The following COG4 variants were observed in gnomAD, a reference collection of about 807,000 sequenced individuals.
COG4 encodes component of oligomeric golgi complex 4.
A neutral mutation model predicts 95.1 loss-of-function variants in COG4; 65 were observed. The ratio of observed to expected loss-of-function variants is 0.68; its 90% confidence interval spans 0.56 to 0.84. COG4 has a LOEUF of 0.84. Among genes scored for constraint, COG4 ranks in the 40% least tolerant of loss-of-function variants. The pLI is 0.00. For synonymous variants in COG4, 421 were observed against 374.8 expected, an observed-to-expected ratio of 1.12 and a Z score of -1.42; for missense variants, 1,045 against 989.1, an observed-to-expected ratio of 1.06 and a Z score of -0.76.
chr16:70,509,002 G>A, intron 7 of COG4: 1 of 601,040 alleles, frequency 1.7e-6, no homozygotes, highest in Non-Finnish European at 3.0e-6. Flanking sequence ...TTTTCAGGAA[G>A]CTCTTTTTAT....
In COG4 at chr16:70,512,366, G is replaced by A. The variant is rs1342293799; in HGVS notation, c.611C>T (p.Ala204Val). 2.5e-6 allele frequency: 4 copies of A among 1,614,152 alleles called. No individual in the cohort carries two copies. In the East Asian group the frequency reaches 8.9e-5, roughly 36 times the overall value. The change falls in exon 5 of 19, where the codon GCA (alanine) becomes GTA (valine). Residue 204 changes from alanine to valine, a missense_variant. Physicochemically the swap from Ala to Val is moderately conservative, Grantham distance 64. Coordinates refer to ENST00000323786, the MANE Select transcript of COG4 (RefSeq NM_015386.3). Reference sequence around the variant, plus strand: ...CTTGGTGGCAATGGCAAACTTCTCTGCCACAATGGCTTTGAGACGTTGCTC... The same window carrying A: ...CTTGGTGGCAATGGCAAACTTCTCTACCACAATGGCTTTGAGACGTTGCTC... ...EAEQRLKAIVAEKFAIATKEG... is the reference protein window; with the variant it reads ...EAEQRLKAIVVEKFAIATKEG...
chr16:70,523,496 C>A lies in COG4; in HGVS notation c.48G>T (p.Gly16=). 1 of 1,614,108 alleles carries A rather than the reference C, an allele frequency of 6.2e-7. No homozygotes were observed. The highest frequency in any genetic ancestry group is 8.5e-7 in the Non-Finnish European group (1 of 1,180,042). Residue 16 remains glycine (G), a synonymous_variant, in exon 1 of 19, where the codon GGG becomes GGT. Coordinates refer to ENST00000323786, the MANE Select transcript of COG4 (RefSeq NM_015386.3). ...ADLDSPPKLS[G]VQQPSEGVGG... ...CCACCCCCTCAGACGGCTGCTGCACCCCTGACAGCTTCGGAGGCGAATCAA... is the reference window on the plus strand; with the variant it reads ...CCACCCCCTCAGACGGCTGCTGCACACCTGACAGCTTCGGAGGCGAATCAA...
At chr16:70,519,509 G>T in intron 2 of COG4, 140 bp downstream of exon 2, 1 of 703,962 alleles carries the variant, frequency 1.4e-6, no homozygotes, top group Non-Finnish European at 2.6e-6. Flanking sequence ...ATACCCTTAG[G>T]TGTTCACTTT....
chr16:70,517,007 A>G (rs1247315737), intron 3 of COG4, among the ~76,000 whole-genome samples: 1 of 151,632 alleles, frequency 6.6e-6, no homozygotes, highest in Non-Finnish European at 1.5e-5. Flanking sequence ...TCAAGCAATT[A>G]GCCTGCCTCA....
At chr16:70,492,663 A>G (rs891024546) in intron 12 of COG4, among the ~76,000 whole-genome samples, 1 of 145,986 alleles carries the variant, frequency 6.8e-6, no homozygotes, top group African/African-American at 2.5e-5. Context: ...CTCCGTCTCA[A>G]AAAAAAAAAA....
intron 12 of COG4, among the ~76,000 whole-genome samples, chr16:70,494,186 A>T (rs2151747361): frequency 6.6e-6 from 1 of 152,322 alleles, no homozygotes; most frequent in Non-Finnish European, 1.5e-5. Flanking sequence ...TCCTGTCCTG[A>T]CAGCTGAAGG....
Position 70,509,929 on chromosome 16 carries a change from A to G in COG4, c.831T>C (p.Thr277=), listed in dbSNP as rs766522086. The part of the protein sequence containing the change: ...RAAVIFADTL[T]LLFEGIARIV... ...AAAGAGGCTCACCTTCAAACAGAAGAGTAAGTGTATCTGCAAAGATGACTG... is the reference window on the plus strand; with the variant it reads ...AAAGAGGCTCACCTTCAAACAGAAGGGTAAGTGTATCTGCAAAGATGACTG... Residue 277 remains threonine, a synonymous_variant, in exon 6 of 19, where the codon ACT becomes ACC. Transcript: ENST00000323786. 1 of 1,613,522 alleles carries G rather than the reference A, an allele frequency of 6.2e-7. No homozygotes were observed. The highest frequency in any genetic ancestry group is 8.5e-7 in the Non-Finnish European group (1 of 1,179,506).
intron 1 of COG4, among the ~76,000 whole-genome samples, chr16:70,522,863 G>C (rs908595337): frequency 6.6e-6 from 1 of 152,170 alleles, no homozygotes; most frequent in African/African-American, 2.4e-5. Flanking sequence ...AGTCTTAAAA[G>C]CTAAACCTCT....
At chr16:70,500,485 C>T (rs564700496) in intron 9 of COG4, among the ~76,000 whole-genome samples, 22 of 150,582 alleles carry the variant, frequency 1.5e-4, no homozygotes, top group African/African-American at 5.4e-4. Context: ...CTCAACCTCC[C>T]GAGTAGCTGG....
Position 70,482,088 on chromosome 16 carries a change from T to A in COG4, c.2004+4A>T. The A allele has an allele frequency of 6.2e-7, 1 of 1,612,476 alleles. No homozygotes were observed. The highest frequency in any genetic ancestry group is 8.5e-7 in the Non-Finnish European group (1 of 1,178,538). ...CTAAGTGGATCCCTAGGGCCCCTGC[T>A]CACCTTGAACTCTGCCATTTGCTGC... is the stretch of plus-strand genomic sequence containing the variant. On this transcript the variant is annotated splice_donor_region_variant and intron_variant, in intron 16 of 18. Coordinates refer to ENST00000323786, the MANE Select transcript of COG4 (RefSeq NM_015386.3).
At chr16:70,505,577 C>T (rs570489255) in intron 8 of COG4, among the ~76,000 whole-genome samples, 75 of 151,046 alleles carry the variant, frequency 5.0e-4, no homozygotes, top group Non-Finnish European at 8.0e-4. Context: ...ACCTGTAATC[C>T]CAGCACTTTG....
chr16:70,506,631 A>AAAG (rs1338875952), intron 8 of COG4, among the ~76,000 whole-genome samples: 1 of 129,716 alleles, frequency 7.7e-6, no homozygotes, highest in Non-Finnish European at 1.6e-5. Flanking sequence ...AAAAAAAAAC[A>AAAG]TTTAGCTGGG....
intron 9 of COG4, among the ~76,000 whole-genome samples, chr16:70,500,365 C>CT (rs68141616): frequency 0.026 from 2,452 of 96,062 alleles, 195 homozygotes; most frequent in African/African-American, 0.093. Context: ...ATTATATACT[C>CT]TTTTTTTTTT....
chr16:70,512,473 G>A (rs200258470), intron 4 of COG4, 41 bp from the exon 5 acceptor site: 6 of 1,553,198 alleles, frequency 3.9e-6, no homozygotes, highest in Non-Finnish European at 5.3e-6. Flanking sequence ...GTAAAGAATA[G>A]TACTGTGGCA....
chr16:70,501,374 G>C (rs1163017503), intron 8 of COG4: 7 of 396,778 alleles, frequency 1.8e-5, no homozygotes, highest in Admixed American at 1.5e-4. Context: ...TTTTTTTTGA[G>C]ATGGAGTCTT....
chr16:70,515,266 T>C (rs1261989798), intron 3 of COG4, among the ~76,000 whole-genome samples: 2 of 151,996 alleles, frequency 1.3e-5, no homozygotes, highest in African/African-American at 2.4e-5. Context: ...AAGCAATTCA[T>C]TCTCCTCGGC....
intron 8 of COG4, among the ~76,000 whole-genome samples, chr16:70,503,133 C>A (rs1199906550): frequency 6.6e-6 from 1 of 152,190 alleles, no homozygotes; most frequent in Non-Finnish European, 1.5e-5. Context: ...TCACTGCAGG[C>A]TCAGCTTCCC....
In COG4 at chr16:70,509,942, G is replaced by A; in HGVS notation, c.818C>T (p.Ala273Val). Residue 273 changes from alanine to valine, a missense_variant, in exon 6 of 19, where the codon GCA (alanine) becomes GTA (valine). Physicochemically the swap from Ala to Val is moderately conservative, Grantham distance 64. Coordinates refer to ENST00000323786, the MANE Select transcript of COG4 (RefSeq NM_015386.3). ...MSDRRAAVIFADTLTLLFEGI... is the reference protein window; with the variant it reads ...MSDRRAAVIFVDTLTLLFEGI... Reference sequence around the variant, plus strand: ...TTCAAACAGAAGAGTAAGTGTATCTGCAAAGATGACTGCAGCTCTCCGATC... The same window carrying A: ...TTCAAACAGAAGAGTAAGTGTATCTACAAAGATGACTGCAGCTCTCCGATC... The A allele has an allele frequency of 1.9e-6, 3 of 1,613,802 alleles. No individual in the cohort carries two copies. Among genetic ancestry groups the A allele is most frequent in the Non-Finnish European group, 2.5e-6 (3 of 1,179,774 alleles).
intron 13 of COG4, among the ~76,000 whole-genome samples, chr16:70,489,566 G>A (rs2049203464): frequency 6.9e-6 from 1 of 145,644 alleles, no homozygotes; most frequent in Admixed American, 6.9e-5. Flanking sequence ...TTGTAGAGAT[G>A]AGGTCTCACC....
Sources: allele counts gnomAD v4.1 joint callset (sites outside exome capture counted in the v4.1 genomes callset), GRCh38; gene constraint gnomAD v4.1.1; transcripts MANE v1.5; gene names NCBI Gene and HGNC (gene_info 2026-07-23, HGNC 2026-07-21).